The following DNAH6 variants were observed in gnomAD, a reference collection of about 807,000 sequenced individuals.
DNAH6 encodes dynein axonemal heavy chain 6.
DNAH6 carries 340 observed loss-of-function variants against 491.4 expected under a neutral mutation model. That is an observed-to-expected ratio of 0.69 (90% confidence interval 0.63 to 0.76). The LOEUF is 0.76. Among genes scored for constraint, DNAH6 ranks in the 30% least tolerant of loss-of-function variants. The pLI, the probability that DNAH6 is intolerant of heterozygous loss-of-function variation, is 0.00. For synonymous variants in DNAH6, 1,603 were observed against 1,686.1 expected, an observed-to-expected ratio of 0.95 and a Z score of 1.21; for missense variants, 4,443 against 4,972.2, an observed-to-expected ratio of 0.89 and a Z score of 3.20.
At chr2:84,508,790 C>G in the DNAH6 span, among the ~76,000 whole-genome samples, 1 of 152,068 alleles carries the variant, frequency 6.6e-6, no homozygotes, top group Admixed American at 6.6e-5. Flanking sequence ...TGGTTTCAAA[C>G]AACATCTTTA....
At chr2:84,724,110 T>C (rs1273125740) in intron 60 of DNAH6, among the ~76,000 whole-genome samples, 3 of 152,126 alleles carry the variant, frequency 2.0e-5, no homozygotes, top group Non-Finnish European at 1.5e-5. Flanking sequence ...TTTAACTTAC[T>C]CTCACTTTTC....
intron 16 of DNAH6, among the ~76,000 whole-genome samples, chr2:84,592,168 G>A (rs1684179272): frequency 6.6e-6 from 1 of 151,224 alleles, no homozygotes; most frequent in African/African-American, 2.4e-5. Context: ...CAGAATGAGG[G>A]AAAAAATTTG....
At chr2:84,611,977 C>G (rs1295268991) in intron 22 of DNAH6, 123 bp downstream of exon 22, 1 of 826,020 alleles carries the variant, frequency 1.2e-6, no homozygotes, top group African/African-American at 1.7e-5. Flanking sequence ...ACCCTTGATT[C>G]TAGTCAGCAT....
chr2:84,817,291 C>T (rs528174229), intron 76 of DNAH6, among the ~76,000 whole-genome samples: 16 of 152,258 alleles, frequency 1.1e-4, no homozygotes, highest in African/African-American at 1.9e-4. Flanking sequence ...CAGTCAACTC[C>T]CATTATCCAC....
intron 20 of DNAH6, among the ~76,000 whole-genome samples, chr2:84,605,999 T>C (rs1489147518): frequency 2.0e-5 from 3 of 152,182 alleles, no homozygotes; most frequent in Non-Finnish European, 2.9e-5. Flanking sequence ...GAAACCTGAA[T>C]GAGCATTTCC....
intron 64 of DNAH6, among the ~76,000 whole-genome samples, chr2:84,767,855 C>T (rs1675232975): frequency 6.6e-6 from 1 of 152,018 alleles, no homozygotes; most frequent in South Asian, 2.1e-4. Flanking sequence ...TCTACCTAGA[C>T]CCATTACAGT....
At chr2:84,466,696 C>A in the DNAH6 span, among the ~76,000 whole-genome samples, 1 of 152,162 alleles carries the variant, frequency 6.6e-6, no homozygotes, top group Non-Finnish European at 1.5e-5. Context: ...ACAGTCTCCA[C>A]TTATCAGAAA....
chr2:84,809,634 A>G (rs958510321), intron 72 of DNAH6, among the ~76,000 whole-genome samples: 1 of 152,156 alleles, frequency 6.6e-6, no homozygotes, highest in Non-Finnish European at 1.5e-5. Context: ...AAAACAAGAG[A>G]AAAATTCACT....
At chr2:84,768,386 A>C (rs999931786) in intron 64 of DNAH6, among the ~76,000 whole-genome samples, 2 of 152,028 alleles carry the variant, frequency 1.3e-5, no homozygotes, top group African/African-American at 4.8e-5. Context: ...AAAATGAATA[A>C]GGGAATATCA....
At chr2:84,694,606 C>T in intron 46 of DNAH6, 126 bp downstream of exon 46, 1 of 652,994 alleles carries the variant, frequency 1.5e-6, no homozygotes, top group South Asian at 2.1e-5. Context: ...AGATTTCCTG[C>T]AGCTTGTAAA....
At chr2:84,559,177 C>A (rs908662271) in intron 11 of DNAH6, among the ~76,000 whole-genome samples, 1 of 152,074 alleles carries the variant, frequency 6.6e-6, no homozygotes, top group African/African-American at 2.4e-5. Flanking sequence ...AAAGTCACAG[C>A]CAGAAAGAAG....
At chr2:84,774,996 T>C (rs911724389) in intron 64 of DNAH6, among the ~76,000 whole-genome samples, 3 of 152,130 alleles carry the variant, frequency 2.0e-5, no homozygotes, top group Non-Finnish European at 4.4e-5. Context: ...ATGTCTTTTA[T>C]TTTTTTCTCT....
intron 5 of DNAH6, among the ~76,000 whole-genome samples, chr2:84,546,897 A>G (rs1286256230): frequency 1.3e-5 from 2 of 152,190 alleles, no homozygotes; most frequent in East Asian, 3.8e-4. Flanking sequence ...AGCCTCTTAA[A>G]TTAATAGATG....
the DNAH6 span, among the ~76,000 whole-genome samples, chr2:84,466,480 C>G: frequency 6.6e-6 from 1 of 152,212 alleles, no homozygotes; most frequent in Non-Finnish European, 1.5e-5. Context: ...GTAGCTTACT[C>G]TACTCAATTG....
intron 61 of DNAH6, among the ~76,000 whole-genome samples, chr2:84,729,275 ATAGT>A (rs1355013342): frequency 6.6e-6 from 1 of 152,180 alleles, no homozygotes; most frequent in East Asian, 1.9e-4. Flanking sequence ...CTATGATAAG[ATAGT>A]TAGGCACAGA....
At chr2:84,705,795 G>C in intron 52 of DNAH6, 48 bp downstream of exon 52, 1 of 1,504,456 alleles carries the variant, frequency 6.6e-7, no homozygotes, top group African/African-American at 1.4e-5. Flanking sequence ...GGCCATGATC[G>C]CCAGTCATTT....
chr2:84,610,880 T>C lies in DNAH6; in HGVS notation c.3295-794T>C, dbSNP rs560636890. ...TACAGATCAAAGTCAAGGGGGACGT[T>C]TTCATACAGGGTACCTGAAAGAAGC... On this transcript the variant is annotated intron_variant, in intron 21 of 76. Coordinates refer to ENST00000389394, the MANE Select transcript of DNAH6 (RefSeq NM_001370.2). Among the ~76,000 whole-genome samples, 55 of 152,270 alleles carry C rather than the reference T, an allele frequency of 3.6e-4. No individual in the cohort carries two copies. The Middle Eastern group carries it at 0.014, about 38-fold the overall frequency.
intron 9 of DNAH6, among the ~76,000 whole-genome samples, chr2:84,551,576 A>G (rs2104560607): frequency 6.6e-6 from 1 of 152,380 alleles, no homozygotes; most frequent in Middle Eastern, 3.4e-3. Context: ...TATTTCAAAT[A>G]ATACTGCAAA....
intron 22 of DNAH6, among the ~76,000 whole-genome samples, chr2:84,615,414 C>T (rs1271994792): frequency 6.6e-6 from 1 of 152,064 alleles, no homozygotes; most frequent in Non-Finnish European, 1.5e-5. Context: ...TATACCAGTA[C>T]CATGCTGTTT....
Sources: allele counts gnomAD v4.1 joint callset (sites outside exome capture counted in the v4.1 genomes callset), GRCh38; gene constraint gnomAD v4.1.1; transcripts MANE v1.5; gene names NCBI Gene and HGNC (gene_info 2026-07-23, HGNC 2026-07-21).